FRY: variants seen among roughly 807,000 people sequenced by gnomAD.
FRY encodes FRY microtubule binding protein, also known as protein furry homolog.
Under a neutral mutation model 348.4 loss-of-function variants are expected in FRY, and 128 were observed. The observed-to-expected ratio is 0.37, with a 90% CI of 0.32 to 0.43. The LOEUF is 0.43. FRY is among the 20% of genes least tolerant of loss of function. The pLI, the probability that FRY is intolerant of heterozygous loss-of-function variation, is 1.00. For missense variants in FRY, 2,736 were observed against 3,695.2 expected, an observed-to-expected ratio of 0.74 and a Z score of 6.73; for synonymous variants, 1,370 against 1,374.7, an observed-to-expected ratio of 1.00 and a Z score of 0.08.
intron 40 of FRY, among the ~76,000 whole-genome samples, chr13:32,230,066 A>G (rs1332586119): frequency 6.6e-6 from 1 of 152,182 alleles, no homozygotes; most frequent in Non-Finnish European, 1.5e-5. Flanking sequence ...TATTTTTTTA[A>G]CTCACATTTT....
chr13:32,124,353 G>A lies in FRY; in HGVS notation c.532G>A (p.Val178Ile). ...DLAIDFIFSL[V>I]LIEVLKQIPL... ...CGCCATTGATTTTATTTTTTCTTTA[G>A]TATTAATAGAAGTTTTGAAACAGGT... Residue 178 changes from valine (V) to isoleucine (I), a missense_variant, in exon 5 of 61, where the codon GTA becomes ATA. By Grantham distance (29) the Val-to-Ile change is conservative. This residue lies in a region of FRY where 309 missense variants were observed against 418.1 expected (regional missense o/e 0.74). Coordinates refer to ENST00000542859, the MANE Select transcript of FRY (RefSeq NM_023037.3). The A allele has an allele frequency of 6.4e-7, 1 of 1,572,778 alleles. No individual in the cohort carries two copies. The highest frequency in any genetic ancestry group is 8.7e-7 in the Non-Finnish European group (1 of 1,143,074).
intron 2 of FRY, among the ~76,000 whole-genome samples, chr13:32,087,385 TTGATGTTACAAAGCTGGCATC>T (rs1209807672): frequency 6.6e-6 from 1 of 152,184 alleles, no homozygotes; most frequent in African/African-American, 2.4e-5. Context: ...CTCCTGTGTG[TTGATGTTACAAAGCTGGCATC>T]AGGACAACTC....
chr13:32,163,282 GA>G (rs1434762135), intron 17 of FRY, among the ~76,000 whole-genome samples: 16 of 152,300 alleles, frequency 1.1e-4, no homozygotes, highest in African/African-American at 3.8e-4. Context: ...CCATCTAACA[GA>G]CATGGAGGAA....
rs759704590 is a variant in FRY at position 32,124,567 on chromosome 13, T to A, written c.556-35T>A. The A allele has an allele frequency of 3.3e-6, 4 of 1,229,336 alleles. No individual in the cohort carries two copies. In the East Asian group the frequency reaches 9.3e-5, roughly 28 times the overall value. 76.2% of individuals were successfully genotyped at this position (1,229,336 alleles called of 1,614,324 possible). ...ACTGTACCGATTTGTTCTTTAATAT[T>A]CCCTTCTGAGTTAAGAACCACCTTT... On this transcript the variant is annotated intron_variant, in intron 5 of 60. Coordinates refer to ENST00000542859, the MANE Select transcript of FRY (RefSeq NM_023037.3).
At chr13:32,162,987 G>A (rs927839159) in intron 17 of FRY, among the ~76,000 whole-genome samples, 1 of 152,162 alleles carries the variant, frequency 6.6e-6, no homozygotes, top group Non-Finnish European at 1.5e-5. Context: ...TAATGAACAC[G>A]ATGATTTAGG....
intron 19 of FRY, 45 bp downstream of exon 19, chr13:32,173,594 CT>C (rs55659531): frequency 0.088 from 122,153 of 1,382,676 alleles, 6,824 homozygotes; most frequent in African/African-American, 0.22. Context: ...ACTTTCAACT[CT>C]TCTGAAATTT....
At chr13:32,112,521 C>T (rs868801855) in intron 3 of FRY, among the ~76,000 whole-genome samples, 10 of 152,108 alleles carry the variant, frequency 6.6e-5, no homozygotes, top group African/African-American at 1.7e-4. Flanking sequence ...AAACATGGCA[C>T]GTGAGTGGTC....
chr13:32,095,241 T>C (rs538485831), intron 2 of FRY, among the ~76,000 whole-genome samples: 1 of 152,226 alleles, frequency 6.6e-6, no homozygotes, highest in Non-Finnish European at 1.5e-5. Flanking sequence ...ATATTTTGGT[T>C]CTTAATCCAT....
At position 32,295,530 on chromosome 13, in the gene FRY, T is replaced by C; in HGVS notation, c.*70T>C. On this transcript the variant is annotated 3_prime_UTR_variant, in exon 61 of 61. Coordinates refer to ENST00000542859, the MANE Select transcript of FRY (RefSeq NM_023037.3). ...CATGCTGGGGCAACGTCATTCAGTGTCTTCTCGGCCTTCAAAAGGCTTGGA... is the reference window on the plus strand; with the variant it reads ...CATGCTGGGGCAACGTCATTCAGTGCCTTCTCGGCCTTCAAAAGGCTTGGA... The C allele has an allele frequency of 6.9e-7, 1 of 1,449,668 alleles. No homozygotes were observed. Among genetic ancestry groups the C allele is most frequent in the African/African-American group, 1.4e-5 (1 of 72,150 alleles). The allele number at this position is 1,449,668 out of a possible 1,614,324, so 89.8% of individuals were successfully genotyped here.
chr13:32,295,061 AT>A (rs1377298338), intron 60 of FRY, 140 bp from the exon 61 acceptor site: 2 of 759,860 alleles, frequency 2.6e-6, no homozygotes, highest in East Asian at 5.2e-5. Flanking sequence ...TTTACCTTAG[AT>A]GAGTGAATTA....
chr13:32,182,508 G>T (rs181557127), intron 23 of FRY, among the ~76,000 whole-genome samples: 1 of 152,166 alleles, frequency 6.6e-6, no homozygotes, highest in South Asian at 2.1e-4. Flanking sequence ...CAGCACTGTG[G>T]TAATTGCACC....
chr13:32,150,175 A>T (rs1275862684), intron 14 of FRY, among the ~76,000 whole-genome samples: 1 of 152,230 alleles, frequency 6.6e-6, no homozygotes, highest in Non-Finnish European at 1.5e-5. Context: ...CAAATTTAGC[A>T]TCGGGAAGTG....
chr13:32,153,159 C>T (rs976178107), intron 14 of FRY, among the ~76,000 whole-genome samples: 1 of 152,106 alleles, frequency 6.6e-6, no homozygotes, highest in African/African-American at 2.4e-5. Context: ...TAAGATTAAA[C>T]GTATACTTAA....
At chr13:32,288,965 A>G (rs1889206234) in intron 58 of FRY, among the ~76,000 whole-genome samples, 1 of 152,248 alleles carries the variant, frequency 6.6e-6, no homozygotes, top group South Asian at 2.1e-4. Context: ...GTACAGAGGC[A>G]CAAATGTGAC....
At chr13:32,049,675 G>A in intron 1 of FRY, among the ~76,000 whole-genome samples, 1 of 152,184 alleles carries the variant, frequency 6.6e-6, no homozygotes, top group East Asian at 1.9e-4. Context: ...AATGGAGGTA[G>A]GGACAATCAC....
At chr13:32,048,949 C>T (rs1394451082) in intron 1 of FRY, among the ~76,000 whole-genome samples, 1 of 152,316 alleles carries the variant, frequency 6.6e-6, no homozygotes, top group East Asian at 1.9e-4. Context: ...GTGTAGGGTA[C>T]TGTGGTACAT....
At chr13:32,189,944 G>T (rs1755206063) in intron 28 of FRY, among the ~76,000 whole-genome samples, 1 of 151,870 alleles carries the variant, frequency 6.6e-6, no homozygotes, top group Non-Finnish European at 1.5e-5. Context: ...ATAGAAAAAA[G>T]ATGATTTACC....
intron 1 of FRY, among the ~76,000 whole-genome samples, chr13:32,049,817 C>T (rs1873228693): frequency 6.6e-6 from 1 of 152,072 alleles, no homozygotes; most frequent in Non-Finnish European, 1.5e-5. Flanking sequence ...TTCCCTGGGT[C>T]CAGCCTGTGT....
At position 32,177,346 on chromosome 13, in the gene FRY, T is replaced by C. The variant is rs1237633745; in HGVS notation, c.2422-831T>C. On this transcript the variant is annotated intron_variant, in intron 20 of 60. Transcript: ENST00000542859. ...GTTCACGACTATAATCCCAGCACTT[T>C]GGGAGGCCAAAGAAGGCAGATCATT... Among the ~76,000 whole-genome samples, 5 of 152,252 alleles carry C rather than the reference T, an allele frequency of 3.3e-5. No homozygotes were observed. The South Asian group carries it at 1.0e-3, about 32-fold the overall frequency.
Sources: allele counts gnomAD v4.1 joint callset (sites outside exome capture counted in the v4.1 genomes callset), GRCh38; gene constraint gnomAD v4.1.1; regional missense constraint gnomAD v4.1.1; transcripts MANE v1.5; gene names NCBI Gene and HGNC (gene_info 2026-07-23, HGNC 2026-07-21).